The following SUGCT variants were observed in gnomAD, a reference collection of about 807,000 sequenced individuals.
SUGCT encodes succinyl-CoA:glutarate CoA-transferase.
SUGCT carries 41 observed loss-of-function variants against 55.0 expected under a neutral mutation model. That is an observed-to-expected ratio of 0.74 (90% CI 0.58 to 0.97). The LOEUF (loss-of-function observed/expected upper bound fraction) is 0.97, where lower values mean the gene tolerates loss of function less well. Among genes scored for constraint, SUGCT ranks in the 50% least tolerant of loss-of-function variants. The probability of loss-of-function intolerance (pLI) is 0.00; values close to 1 mark genes in which losing one functional copy is unlikely to be tolerated. For synonymous variants in SUGCT, 187 were observed against 200.4 expected, an observed-to-expected ratio of 0.93 and a Z score of 0.56; for missense variants, 568 against 547.8, an observed-to-expected ratio of 1.04 and a Z score of -0.37.
At chr7:40,541,584 T>C (rs1794681902) in intron 12 of SUGCT, among the ~76,000 whole-genome samples, 4 of 152,120 alleles carry the variant, frequency 2.6e-5, no homozygotes, top group Admixed American at 2.6e-4. Context: ...CATGGTGCAA[T>C]CAAGAAAGGA....
chr7:40,669,099 C>T (rs1413163656), intron 12 of SUGCT, among the ~76,000 whole-genome samples: 3 of 152,100 alleles, frequency 2.0e-5, no homozygotes. Context: ...TTTTTTGCCC[C>T]TTCCATTCAG....
intron 1 of SUGCT, among the ~76,000 whole-genome samples, chr7:40,150,225 G>C (rs1788484578): frequency 6.6e-6 from 1 of 152,212 alleles, no homozygotes; most frequent in Non-Finnish European, 1.5e-5. Context: ...GCCCCACCTA[G>C]ATCAATAAAC....
chr7:41,002,279 C>T, the SUGCT span, among the ~76,000 whole-genome samples: 2 of 152,118 alleles, frequency 1.3e-5, no homozygotes, highest in Admixed American at 1.3e-4. Context: ...CCTTGGCCTC[C>T]CAAAGTGCTG....
the SUGCT span, among the ~76,000 whole-genome samples, chr7:40,990,124 C>A: frequency 2.0e-5 from 3 of 152,094 alleles, no homozygotes; most frequent in Admixed American, 1.3e-4. Flanking sequence ...TGCAGTCTTA[C>A]AAAATCATCT....
chr7:40,516,710 A>G (rs1212654832), intron 12 of SUGCT, among the ~76,000 whole-genome samples: 2 of 151,574 alleles, frequency 1.3e-5, no homozygotes, highest in East Asian at 3.9e-4. Flanking sequence ...TGCCCATACC[A>G]CTCTGTCTTG....
chr7:40,660,633 T>G (rs527822852), intron 12 of SUGCT, among the ~76,000 whole-genome samples: 2 of 152,188 alleles, frequency 1.3e-5, no homozygotes, highest in Non-Finnish European at 2.9e-5. Flanking sequence ...ATGATCTGTC[T>G]TCCTCTCTGC....
chr7:40,716,679 A>AAAAAT (rs888419287), intron 12 of SUGCT, among the ~76,000 whole-genome samples: 5 of 152,102 alleles, frequency 3.3e-5, no homozygotes, highest in Non-Finnish European at 5.9e-5. Context: ...AAACTAAGGT[A>AAAAAT]AGCGTTTATC....
intron 11 of SUGCT, among the ~76,000 whole-genome samples, chr7:40,485,798 A>G (rs1337644422): frequency 6.6e-6 from 1 of 152,148 alleles, no homozygotes; most frequent in Non-Finnish European, 1.5e-5. Context: ...CTTTTTCTGC[A>G]TCAAGTGAAA....
At chr7:40,780,930 G>T (rs1233411667) in intron 13 of SUGCT, among the ~76,000 whole-genome samples, 2 of 152,006 alleles carry the variant, frequency 1.3e-5, no homozygotes, top group Non-Finnish European at 2.9e-5. Context: ...TGGAAGACAG[G>T]AAATATTTCC....
chr7:40,348,476 G>C (rs1388480469), intron 9 of SUGCT, among the ~76,000 whole-genome samples: 1 of 152,124 alleles, frequency 6.6e-6, no homozygotes, highest in East Asian at 1.9e-4. Context: ...ATTGGTGTGG[G>C]CATAGGCATA....
At chr7:40,263,441 T>A (rs533277668) in intron 7 of SUGCT, among the ~76,000 whole-genome samples, 49 of 152,290 alleles carry the variant, frequency 3.2e-4, no homozygotes, top group African/African-American at 1.1e-3. Context: ...AGGAAGGCAT[T>A]TGAATCCAGA....
chr7:40,489,733 AAC>A (rs556344791), intron 11 of SUGCT, among the ~76,000 whole-genome samples: 40 of 151,854 alleles, frequency 2.6e-4, no homozygotes, highest in Non-Finnish European at 4.4e-4. Context: ...CAAAACAAAA[AAC>A]ACACACACAC....
chr7:40,858,255 T>C (rs1460011219), intron 13 of SUGCT, among the ~76,000 whole-genome samples: 6 of 151,762 alleles, frequency 4.0e-5, no homozygotes, highest in African/African-American at 1.2e-4. Context: ...AATACAAAAT[T>C]AGCCGGGCAT....
At chr7:40,571,119 C>T (rs1252476190) in intron 12 of SUGCT, among the ~76,000 whole-genome samples, 2 of 151,908 alleles carry the variant, frequency 1.3e-5, no homozygotes, top group Non-Finnish European at 2.9e-5. Context: ...ACATAAAGGC[C>T]GTTTCAGTTT....
At chr7:40,261,929 A>C (rs1791248987) in intron 7 of SUGCT, among the ~76,000 whole-genome samples, 1 of 152,196 alleles carries the variant, frequency 6.6e-6, no homozygotes, top group Non-Finnish European at 1.5e-5. Flanking sequence ...ATAATTTTTG[A>C]AATTATTTCT....
intron 13 of SUGCT, among the ~76,000 whole-genome samples, chr7:40,797,678 G>A (rs900691671): frequency 6.6e-6 from 1 of 152,070 alleles, no homozygotes; most frequent in Non-Finnish European, 1.5e-5. Flanking sequence ...CCACTTTATT[G>A]TTATCAAACT....
intron 12 of SUGCT, among the ~76,000 whole-genome samples, chr7:40,727,950 ATTAT>A (rs1030837549): frequency 1.3e-5 from 2 of 152,084 alleles, no homozygotes; most frequent in Non-Finnish European, 2.9e-5. Context: ...TATCTGTGTT[ATTAT>A]TTATTTATTA....
chr7:40,537,207 A>G (rs374924589), intron 12 of SUGCT, among the ~76,000 whole-genome samples: 22 of 152,180 alleles, frequency 1.4e-4, no homozygotes, highest in Non-Finnish European at 3.1e-4. Flanking sequence ...AAGCCTGTGC[A>G]TTCCCCTTTG....
At chr7:40,354,523 T>C (rs1345279799) in intron 9 of SUGCT, among the ~76,000 whole-genome samples, 2 of 152,354 alleles carry the variant, frequency 1.3e-5, no homozygotes, top group East Asian at 3.9e-4. Flanking sequence ...GAAATTCTTC[T>C]ATCTCTTTTT....
Sources: gnomAD v4.1 joint callset for allele counts (sites outside exome capture counted in the v4.1 genomes callset) on GRCh38, gnomAD v4.1.1 for gene constraint, MANE v1.5 for transcripts, NCBI Gene and HGNC (gene_info 2026-07-23, HGNC 2026-07-21) for gene names.